The following COL4A2 variants were observed in gnomAD, a reference collection of about 807,000 sequenced individuals.
COL4A2 encodes collagen type IV alpha 2 chain.
In COL4A2, 99 loss-of-function variants were observed where a neutral mutation model predicts 200.2. The ratio of observed to expected loss-of-function variants is 0.49; its 90% CI spans 0.42 to 0.58. The LOEUF is 0.58. Among genes scored for constraint, COL4A2 ranks in the 20% least tolerant of loss-of-function variants. The probability of loss-of-function intolerance (pLI) is 0.00; values close to 1 mark genes in which losing one functional copy is unlikely to be tolerated. For missense variants in COL4A2, 1,950 were observed against 2,314.1 expected, an observed-to-expected ratio of 0.84 and a Z score of 3.23; for synonymous variants, 897 against 900.6, an observed-to-expected ratio of 1.00 and a Z score of 0.07.
chr13:110,480,674 T>A (rs1314276293), intron 31 of COL4A2, among the ~76,000 whole-genome samples: 1 of 152,258 alleles, frequency 6.6e-6, no homozygotes, highest in Admixed American at 6.5e-5. Flanking sequence ...ATTGTAAATA[T>A]CACCATCTGC....
At chr13:110,308,963 C>T (rs559936867) in intron 3 of COL4A2, among the ~76,000 whole-genome samples, 1 of 152,264 alleles carries the variant, frequency 6.6e-6, no homozygotes, top group Admixed American at 6.5e-5. Context: ...GTCCGCTGTC[C>T]CTCCTCTCCT....
chr13:110,318,653 G>A, intron 3 of COL4A2, among the ~76,000 whole-genome samples: 1 of 152,160 alleles, frequency 6.6e-6, no homozygotes, highest in African/African-American at 2.4e-5. Context: ...TTACACTGTA[G>A]TTACATTTCT....
At chr13:110,407,305 C>T (rs186556362) in intron 4 of COL4A2, among the ~76,000 whole-genome samples, 5 of 152,272 alleles carry the variant, frequency 3.3e-5, no homozygotes, top group African/African-American at 1.2e-4. Context: ...AGGAATGATG[C>T]GTCAGTTCAG....
rs375952285 is a variant in COL4A2 at position 110,326,822 on chromosome 13, C to T, written c.99+18699C>T. ...CTCGGCCACCTGTGGACAGCACTGC[C>T]TTCCCTTGAGTGTGGGTTGGTTCCC... On this transcript the variant is annotated intron_variant, in intron 3 of 47. Transcript: ENST00000360467. Among the ~76,000 whole-genome samples the T allele has an allele frequency of 9.1e-4, 138 of 152,330 alleles. 1 individual carries two copies. Among genetic ancestry groups the T allele is most frequent in the African/African-American group, 3.1e-3 (129 of 41,570 alleles).
intron 4 of COL4A2, among the ~76,000 whole-genome samples, chr13:110,402,376 T>C (rs991613727): frequency 6.6e-6 from 1 of 151,952 alleles, no homozygotes; most frequent in Non-Finnish European, 1.5e-5. Flanking sequence ...GCCAGGTGAG[T>C]CCAAAACCCA....
intron 4 of COL4A2, among the ~76,000 whole-genome samples, chr13:110,409,146 C>T (rs953494815): frequency 1.3e-5 from 2 of 152,090 alleles, no homozygotes; most frequent in African/African-American, 4.8e-5. Flanking sequence ...CACACGCACA[C>T]ATGTACACAC....
intron 18 of COL4A2, 100 bp downstream of exon 18, chr13:110,446,964 AC>A: frequency 1.1e-6 from 1 of 899,444 alleles, no homozygotes; most frequent in Non-Finnish European, 1.6e-6. Flanking sequence ...ATTCTAAGCA[AC>A]CCTAAAACTT....
At chr13:110,482,008 A>AGACACACTGTTCTGTCCCTCCG (rs1566559883) in intron 31 of COL4A2, among the ~76,000 whole-genome samples, 6 of 110,710 alleles carry the variant, frequency 5.4e-5, no homozygotes, top group African/African-American at 2.2e-4. Flanking sequence ...CGGTCCTTCC[A>AGACACACTGTTCTGTCCCTCCG]TTGCTGGAGA....
chr13:110,469,337 C>T lies in COL4A2; in HGVS notation c.2203+13C>T, dbSNP rs754419430. The T allele has an allele frequency of 6.4e-7, 1 of 1,564,304 alleles. No homozygotes were observed. Among genetic ancestry groups the T allele is most frequent in the East Asian group, 2.3e-5 (1 of 42,646 alleles). On this transcript the variant is annotated intron_variant, in intron 28 of 47. Transcript: ENST00000360467. ...CCAGGACCCCCAGGTGAGTTGAGAT[C>T]AGACCCCCATTCAGCCCCTGGGTTC... is the stretch of plus-strand genomic sequence containing the variant.
In COL4A2 at chr13:110,450,406, C is replaced by G. The variant is rs747324600; in HGVS notation, c.1291C>G (p.Arg431Gly). The part of the protein sequence containing the change: ...YGGPPGPDGK[R>G]GPPGPPGLPG... The stretch of plus-strand genomic sequence containing the variant: ...GGGCCCACCTGGACCTGATGGAAAG[C>G]GAGGGCCTCCAGGACCCCCCGGGCT... Residue 431 changes from arginine (R) to glycine (G), a missense_variant, in exon 20 of 48, where the codon CGA becomes GGA. Transcript: ENST00000360467. 1 of 1,613,974 alleles carries G rather than the reference C, an allele frequency of 6.2e-7. No individual in the cohort carries two copies. Among genetic ancestry groups the G allele is most frequent in the East Asian group, 2.2e-5 (1 of 44,882 alleles).
At chr13:110,332,188 G>C (rs1875948654) in intron 3 of COL4A2, among the ~76,000 whole-genome samples, 1 of 152,084 alleles carries the variant, frequency 6.6e-6, no homozygotes, top group African/African-American at 2.4e-5. Flanking sequence ...TATTAGCAAT[G>C]TTAAGTCAAG....
rs1164092762 is a variant in COL4A2 at position 110,424,724 on chromosome 13, G to T, written c.181-10G>T. ...TAATCGTGGAAATTGAACCTTTGTT[G>T]TTCCCACAGGGTCAGCCTGGGCCAG... On this transcript the variant is annotated splice_polypyrimidine_tract_variant and intron_variant, in intron 4 of 47. Transcript: ENST00000360467. 1.3e-6 allele frequency: 2 copies of T among 1,577,268 alleles called. No homozygotes were observed. The highest frequency in any genetic ancestry group is 1.7e-6 in the Non-Finnish European group (2 of 1,156,192).
chr13:110,510,016 C>G (rs190962945), intron 47 of COL4A2, among the ~76,000 whole-genome samples: 45 of 152,356 alleles, frequency 3.0e-4, no homozygotes, highest in South Asian at 1.2e-3. Context: ...ACTTTAAATA[C>G]TCTTTGATCC....
At chr13:110,488,981 GC>G (rs1358276325) in intron 34 of COL4A2, among the ~76,000 whole-genome samples, 1 of 152,150 alleles carries the variant, frequency 6.6e-6, no homozygotes, top group Non-Finnish European at 1.5e-5. Flanking sequence ...TGTAATCCCA[GC>G]ACTTTGGGAA....
chr13:110,381,188 G>GTC (rs1243457359), intron 4 of COL4A2, among the ~76,000 whole-genome samples: 1 of 148,010 alleles, frequency 6.8e-6, no homozygotes, highest in Non-Finnish European at 1.5e-5. Context: ...CACATCCTCG[G>GTC]TCTCTATCTC....
intron 14 of COL4A2, 134 bp downstream of exon 14, chr13:110,438,171 C>T (rs1478274429): frequency 5.9e-6 from 4 of 683,568 alleles, no homozygotes; most frequent in Admixed American, 2.8e-5. Context: ...CATAGCAGAA[C>T]AGTATTAGCA....
At chr13:110,422,865 A>C (rs920483103) in intron 4 of COL4A2, among the ~76,000 whole-genome samples, 2 of 152,222 alleles carry the variant, frequency 1.3e-5, no homozygotes, top group Non-Finnish European at 2.9e-5. Flanking sequence ...TGCCTCAATG[A>C]CATTAACACT....
In COL4A2 at chr13:110,330,250, G is replaced by A. The variant is rs573100802; in HGVS notation, c.99+22127G>A. The stretch of plus-strand genomic sequence containing the variant: ...ATAAAGGAATTTTCGGTATTATAAC[G>A]GTCACTAAGCAGACAACTGACGTGT... On this transcript the variant is annotated intron_variant, in intron 3 of 47. Transcript: ENST00000360467. 6.6e-5 allele frequency among the ~76,000 whole-genome samples: 10 copies of A among 152,230 alleles called. No homozygotes were observed. In the South Asian group the frequency reaches 1.7e-3, roughly 25 times the overall value.
At chr13:110,491,826 C>T (rs1883295144) in intron 37 of COL4A2, among the ~76,000 whole-genome samples, 1 of 152,206 alleles carries the variant, frequency 6.6e-6, no homozygotes, top group South Asian at 2.1e-4. Flanking sequence ...AATAGGGCGA[C>T]AATTAAAACT....
Sources: allele counts gnomAD v4.1 joint callset (sites outside exome capture counted in the v4.1 genomes callset), GRCh38; gene constraint gnomAD v4.1.1; transcripts MANE v1.5; gene names NCBI Gene and HGNC (gene_info 2026-07-23, HGNC 2026-07-21).